The following RASSF4 variants were observed in gnomAD, a reference collection of about 807,000 sequenced individuals.
RASSF4 encodes the protein Ras association domain family member 4, also known as ras association domain-containing protein 4.
A neutral mutation model predicts 41.1 loss-of-function variants in RASSF4; 38 were observed. The ratio of observed to expected loss-of-function variants is 0.92; its 90% confidence interval spans 0.71 to 1.21. The LOEUF (loss-of-function observed/expected upper bound fraction) is 1.21. Among genes scored for constraint, RASSF4 ranks in the 50% most tolerant of loss-of-function variants. The probability of loss-of-function intolerance (pLI) is 0.00; values close to 1 mark genes in which losing one functional copy is unlikely to be tolerated. For synonymous variants in RASSF4, 179 were observed against 163.4 expected (o/e 1.10, Z -0.73); for missense variants, 414 against 419.4 (o/e 0.99, Z 0.11).
intron 3 of RASSF4, among the ~76,000 whole-genome samples, chr10:44,973,410 C>T (rs893519695): frequency 9.9e-5 from 15 of 152,272 alleles, no homozygotes; most frequent in African/African-American, 2.9e-4. Flanking sequence ...TGTTAACACA[C>T]GCCACTTCAT....
chr10:44,969,640 A>G (rs1463022911), intron 1 of RASSF4, among the ~76,000 whole-genome samples: 1 of 152,208 alleles, frequency 6.6e-6, no homozygotes, highest in Non-Finnish European at 1.5e-5. Flanking sequence ...CTCACCTCAC[A>G]ATATCGTTGT....
intron 3 of RASSF4, among the ~76,000 whole-genome samples, chr10:44,975,867 A>G (rs1841402836): frequency 6.6e-6 from 1 of 151,762 alleles, no homozygotes; most frequent in Non-Finnish European, 1.5e-5. Context: ...GTGGCTTCTG[A>G]GCATAGGGGA....
At chr10:44,971,353 G>A (rs1841150751) in intron 2 of RASSF4, 1 of 381,444 alleles carries the variant, frequency 2.6e-6, no homozygotes, top group Non-Finnish European at 5.3e-6. Context: ...GCCCGCAGCA[G>A]CCACAGCAGG....
chr10:44,970,233 G>C lies in RASSF4; in HGVS notation c.31G>C (p.Val11Leu). The change falls in exon 2 of 11, where the codon GTG becomes CTG. Residue 11 changes from valine to leucine, a missense_variant. Transcript: ENST00000340258. ...GGAAGACTGTCTGCCGAGTTCTCAC[G>C]TGCCCATCAGTGACAGCAAGTCCAT... MKEDCLPSSH[V>L]PISDSKSIQK... 2 of 1,614,076 alleles carry C rather than the reference G, an allele frequency of 1.2e-6. No homozygotes were observed. The highest frequency in any genetic ancestry group is 1.7e-6 in the Non-Finnish European group (2 of 1,179,934).
chr10:44,980,174 G>C (rs757916878), intron 3 of RASSF4, among the ~76,000 whole-genome samples: 1 of 152,224 alleles, frequency 6.6e-6, no homozygotes, highest in East Asian at 1.9e-4. Flanking sequence ...GCAGTCCCAA[G>C]TTCTTGAATT....
rs373704761 is a variant in RASSF4, at chr10:44,988,364, C to T, written c.532-910C>T. On this transcript the variant is annotated intron_variant, in intron 6 of 10. Transcript: ENST00000340258. ...ATACACAGCTAGGGTTTATTGAGGA[C>T]GGACCTATTATGTGTCAGGCAGAGT... 7.9e-5 allele frequency among the ~76,000 whole-genome samples: 12 copies of T among 152,222 alleles called. 1 individual carries two copies. The highest frequency in any genetic ancestry group is 2.4e-4 in the African/African-American group (10 of 41,536).
intron 3 of RASSF4, chr10:44,977,657 C>T (rs1475347409): frequency 6.2e-7 from 1 of 1,613,128 alleles, no homozygotes; most frequent in Non-Finnish European, 8.5e-7. Flanking sequence ...GGGGCCAGTC[C>T]TCCTTGGCAG....
chr10:44,982,634 A>G lies in RASSF4; in HGVS notation c.252A>G (p.Ser84=), dbSNP rs746367054. 6.2e-7 allele frequency: 1 copy of G among 1,613,300 alleles called. No homozygotes were observed. The highest frequency in any genetic ancestry group is 8.5e-7 in the Non-Finnish European group (1 of 1,179,558). Residue 84 remains serine (S), a synonymous_variant, in exon 4 of 11, where the codon TCA becomes TCG. Coordinates refer to ENST00000340258, the MANE Select transcript of RASSF4 (RefSeq NM_032023.4). ...AGCAGGTGCACCTCCCCTCCACCTC[A>G]TGGATGCCCAGACGGCCTAGCTGCC... The part of the protein sequence containing the change: ...DREQVHLPST[S]WMPRRPSCPL...
chr10:44,987,484 C>T (rs1228228108), intron 6 of RASSF4, among the ~76,000 whole-genome samples: 1 of 152,012 alleles, frequency 6.6e-6, no homozygotes, highest in Non-Finnish European at 1.5e-5. Context: ...CAACTAGAAT[C>T]GAGCTGGGGG....
At chr10:44,977,937 G>A (rs756036299) in intron 3 of RASSF4, 1 of 1,612,520 alleles carries the variant, frequency 6.2e-7, no homozygotes, top group South Asian at 1.1e-5. Flanking sequence ...GGAGAGGGTG[G>A]GGGCTCCTGT....
At chr10:44,966,553 T>C (rs180950972) in intron 1 of RASSF4, among the ~76,000 whole-genome samples, 4 of 152,282 alleles carry the variant, frequency 2.6e-5, no homozygotes, top group African/African-American at 9.6e-5. Flanking sequence ...CTGCTTCCTT[T>C]ATGGGTTTCT....
At chr10:44,982,391 C>T (rs1163932224) in intron 3 of RASSF4, 130 bp from the exon 4 acceptor site, 5 of 1,150,446 alleles carry the variant, frequency 4.3e-6, no homozygotes, top group Non-Finnish European at 5.1e-6. Flanking sequence ...GATGGTCCTT[C>T]CTGAGGGGAT....
rs746556678 is a variant in RASSF4 at position 44,993,326 on chromosome 10, G to A, written c.963G>A (p.Lys321=). 42 of 1,602,930 alleles carry A rather than the reference G, an allele frequency of 2.6e-5. No individual in the cohort carries two copies. The highest frequency in any genetic ancestry group is 1.6e-4 in the Middle Eastern group (1 of 6,072). ...LQRLEQLVEA[K] ...GCCTGGAGCAGCTGGTGGAGGCCAA[G>A]TAACTGGCCAACACCTGCCTCTTCC... The change falls in exon 11 of 11, where the codon AAG becomes AAA. Residue 321 remains lysine (K), a synonymous_variant. Coordinates refer to ENST00000340258, the MANE Select transcript of RASSF4 (RefSeq NM_032023.4).
chr10:44,976,130 T>C (rs1179162462), intron 3 of RASSF4: 1 of 152,124 alleles, frequency 6.6e-6, no homozygotes, highest in Admixed American at 6.5e-5. Context: ...CAGTGGGCTG[T>C]GACAGATACA....
rs1025856279 is a variant in RASSF4 at position 44,984,223 on chromosome 10, G to A, written c.373+110G>A. ...AGGACAGCTTTGTGCCCCAGCCAAC[G>A]AGGGGCTTCACCTGCTGGACCCCTA... On this transcript the variant is annotated intron_variant, in intron 5 of 10. Coordinates refer to ENST00000340258, the MANE Select transcript of RASSF4 (RefSeq NM_032023.4). The A allele has an allele frequency of 3.4e-5, 38 of 1,113,264 alleles. 1 individual carries two copies. The Admixed American group carries it at 4.9e-4, about 14-fold the overall frequency. The allele number at this position is 1,113,264 out of a possible 1,614,324, so 69.0% of individuals were successfully genotyped here. A position where few individuals can be genotyped will look rare whatever the true frequency, so the allele number is the denominator to read the frequency against.
chr10:44,966,824 G>A (rs1295235355), intron 1 of RASSF4, among the ~76,000 whole-genome samples: 2 of 152,066 alleles, frequency 1.3e-5, no homozygotes. Flanking sequence ...TTTTTTTAGA[G>A]TCTTATGACC....
intron 1 of RASSF4, among the ~76,000 whole-genome samples, chr10:44,967,668 C>A (rs777273916): frequency 6.6e-6 from 1 of 152,150 alleles, no homozygotes; most frequent in Non-Finnish European, 1.5e-5. Flanking sequence ...AGTCTAGAAG[C>A]TTCTTGTATT....
At chr10:44,977,312 G>C (rs1841476421) in intron 3 of RASSF4, 1 of 1,488,822 alleles carries the variant, frequency 6.7e-7, no homozygotes, top group East Asian at 2.3e-5. Context: ...AGACCTGCCA[G>C]GGGCAGTGAC....
chr10:44,978,586 T>C (rs1414183994), intron 3 of RASSF4: 1 of 152,388 alleles, frequency 6.6e-6, no homozygotes, highest in Non-Finnish European at 1.5e-5. Context: ...TTGTGTTTTG[T>C]CTCAAACCCA....
Sources: gnomAD v4.1 joint callset for allele counts (sites outside exome capture counted in the v4.1 genomes callset) on GRCh38, gnomAD v4.1.1 for gene constraint, MANE v1.5 for transcripts, NCBI Gene and HGNC (gene_info 2026-07-23, HGNC 2026-07-21) for gene names.